Variants in SGCZ observed in about 807,000 individuals in gnomAD.
The protein encoded by SGCZ is zeta-sarcoglycan.
Under a neutral mutation model 41.3 loss-of-function variants are expected in SGCZ, and 40 were observed. That is an observed-to-expected ratio of 0.97 (90% CI 0.75 to 1.26). The LOEUF (loss-of-function observed/expected upper bound fraction) is 1.26. SGCZ is among the 50% of genes most tolerant of loss of function. The pLI is 0.00. For synonymous variants in SGCZ, 206 were observed against 137.5 expected, an observed-to-expected ratio of 1.50 and a Z score of -3.49; for missense variants, 552 against 369.8, an observed-to-expected ratio of 1.49 and a Z score of -4.04.
chr8:14,085,874 T>C lies in SGCZ; in HGVS notation c.*4569A>G, dbSNP rs1238322244. ...CCCCCTATTCATTTGAATAAATTAGTAGGAGCAGCAGTGTTTTAGAGTTAA... is the reference window on the plus strand; with the variant it reads ...CCCCCTATTCATTTGAATAAATTAGCAGGAGCAGCAGTGTTTTAGAGTTAA... On this transcript the variant is annotated 3_prime_UTR_variant, in exon 8 of 8. Coordinates refer to ENST00000382080, the MANE Select transcript of SGCZ (RefSeq NM_139167.4). Among the ~76,000 whole-genome samples, 2 of 151,788 alleles carry C rather than the reference T, an allele frequency of 1.3e-5. No individual in the cohort carries two copies. The highest frequency in any genetic ancestry group is 4.8e-5 in the African/African-American group (2 of 41,404).
intron 2 of SGCZ, among the ~76,000 whole-genome samples, chr8:14,490,346 T>A (rs899640883): frequency 6.6e-6 from 1 of 152,216 alleles, no homozygotes; most frequent in African/African-American, 2.4e-5. Flanking sequence ...GAAATTTATG[T>A]CTTCTGTGCA....
chr8:14,919,672 C>T (rs953759484), intron 1 of SGCZ, among the ~76,000 whole-genome samples: 3 of 152,132 alleles, frequency 2.0e-5, no homozygotes, highest in Non-Finnish European at 4.4e-5. Flanking sequence ...AACCTCAGCA[C>T]TTTGGGAGGA....
intron 1 of SGCZ, among the ~76,000 whole-genome samples, chr8:14,761,689 C>T (rs1799883875): frequency 6.6e-6 from 1 of 151,752 alleles, no homozygotes; most frequent in African/African-American, 2.4e-5. Flanking sequence ...CCACACCTGG[C>T]TAATTTTTGT....
At chr8:14,163,100 C>T (rs116566600) in intron 5 of SGCZ, among the ~76,000 whole-genome samples, 7 of 152,064 alleles carry the variant, frequency 4.6e-5, no homozygotes, top group Non-Finnish European at 1.0e-4. Context: ...TTGAACCAAG[C>T]GATTCTCTCA....
chr8:14,860,745 A>AGAAAGAAAGAAAGAAG (rs1803719085), intron 1 of SGCZ, among the ~76,000 whole-genome samples: 1 of 139,918 alleles, frequency 7.1e-6, no homozygotes, highest in African/African-American at 2.6e-5. Context: ...AAAGTAAGTA[A>AGAAAGAAAGAAAGAAG]GTAAGTGAGG....
intron 1 of SGCZ, among the ~76,000 whole-genome samples, chr8:14,564,334 G>A (rs6998355): frequency 0.89 from 134,938 of 152,140 alleles, 60,452 homozygotes; most frequent in Non-Finnish European, 0.95. Context: ...TAGATTTAAC[G>A]CTACAATATC....
At position 14,900,503 on chromosome 8, in the gene SGCZ, T is replaced by G. The variant is rs139084092; in HGVS notation, c.39+337082A>C. ...TCAACTCCGACCCAGCAGAATGGATTCAGGCTCCTAAATAACAAACTCAAC... is the reference window on the plus strand; with the variant it reads ...TCAACTCCGACCCAGCAGAATGGATGCAGGCTCCTAAATAACAAACTCAAC... On this transcript the variant is annotated intron_variant, in intron 1 of 7. Coordinates refer to ENST00000382080, the MANE Select transcript of SGCZ (RefSeq NM_139167.4). 3.9e-3 allele frequency among the ~76,000 whole-genome samples: 600 copies of G among 152,242 alleles called. 4 individuals carry two copies. The highest frequency in any genetic ancestry group is 0.013 in the African/African-American group (547 of 41,536).
intron 1 of SGCZ, among the ~76,000 whole-genome samples, chr8:14,676,783 A>T (rs1808291335): frequency 1.3e-5 from 2 of 152,186 alleles, no homozygotes; most frequent in Non-Finnish European, 2.9e-5. Flanking sequence ...GAAATGAAAA[A>T]GCTCTTAGAA....
chr8:14,635,549 T>C (rs1206246142), intron 1 of SGCZ, among the ~76,000 whole-genome samples: 1 of 151,936 alleles, frequency 6.6e-6, no homozygotes, highest in Non-Finnish European at 1.5e-5. Flanking sequence ...AGTGGAAAAT[T>C]CCAGAAATAA....
Position 14,588,607 on chromosome 8 carries a change from A to G in SGCZ, c.40-33681T>C, listed in dbSNP as rs573364465. On this transcript the variant is annotated intron_variant, in intron 1 of 7. Coordinates refer to ENST00000382080, the MANE Select transcript of SGCZ (RefSeq NM_139167.4). Reference sequence around the variant, plus strand: ...ACTACTTGGGCAAATAAAATAAAGTAAAAATGAGAAAAGAAAAGAGAAAAT... The same window carrying G: ...ACTACTTGGGCAAATAAAATAAAGTGAAAATGAGAAAAGAAAAGAGAAAAT... 2.8e-4 allele frequency among the ~76,000 whole-genome samples: 42 copies of G among 152,290 alleles called. No homozygotes were observed. The South Asian group carries it at 8.3e-3, about 30-fold the overall frequency.
chr8:14,614,592 C>A lies in SGCZ; in HGVS notation c.40-59666G>T, dbSNP rs113026674. 9.3e-3 allele frequency among the ~76,000 whole-genome samples: 1,416 copies of A among 152,246 alleles called. 18 individuals carry two copies. The highest frequency in any genetic ancestry group is 0.032 in the African/African-American group (1,347 of 41,556). The stretch of plus-strand genomic sequence containing the variant: ...GTAGCTTGAACCATCAAAATTCAAA[C>A]TGCAAATTTGTCTCACCACCTTTGA... On this transcript the variant is annotated intron_variant, in intron 1 of 7. Transcript: ENST00000382080.
At chr8:14,852,534 C>T (rs1803368336) in intron 1 of SGCZ, among the ~76,000 whole-genome samples, 1 of 152,040 alleles carries the variant, frequency 6.6e-6, no homozygotes, top group African/African-American at 2.4e-5. Context: ...ACACACCAGC[C>T]CAAAGTAACA....
At chr8:14,852,659 T>A (rs1018778932) in intron 1 of SGCZ, among the ~76,000 whole-genome samples, 1 of 152,172 alleles carries the variant, frequency 6.6e-6, no homozygotes, top group African/African-American at 2.4e-5. Context: ...CCTACAAACA[T>A]CTTGTCTTTT....
At position 14,550,134 on chromosome 8, in the gene SGCZ, A is replaced by G. The variant is rs1372479513; in HGVS notation, c.234+4598T>C. 2.6e-5 allele frequency among the ~76,000 whole-genome samples: 4 copies of G among 152,166 alleles called. No homozygotes were observed. In the South Asian group the frequency reaches 6.2e-4, roughly 24 times the overall value. ...ATCATTGGTTGTGATAGCAAATTAA[A>G]CAACAGAAATATATTGGAAACAACT... On this transcript the variant is annotated intron_variant, in intron 2 of 7. Coordinates refer to ENST00000382080, the MANE Select transcript of SGCZ (RefSeq NM_139167.4).
In SGCZ at chr8:14,625,593, T is replaced by TG. The variant is rs1303900773; in HGVS notation, c.40-70668_40-70667insC. Among the ~76,000 whole-genome samples, 1,190 of 152,078 alleles carry TG rather than the reference T, an allele frequency of 7.8e-3. 15 individuals are homozygous for TG. Among genetic ancestry groups the TG allele is most frequent in the African/African-American group, 0.027 (1,118 of 41,462 alleles). On this transcript the variant is annotated intron_variant, in intron 1 of 7. Transcript: ENST00000382080. ...AGTAGTGTTTTGTTGTTGTTGTTGT[T>TG]TTTGTTTTGTTTATTTTGTAGAAGA...
chr8:14,364,494 T>C (rs1034052056), intron 2 of SGCZ, among the ~76,000 whole-genome samples: 5 of 152,186 alleles, frequency 3.3e-5, no homozygotes, highest in African/African-American at 9.6e-5. Flanking sequence ...AGGATTTTTA[T>C]ACATTGCCAT....
intron 2 of SGCZ, among the ~76,000 whole-genome samples, chr8:14,327,612 G>T (rs1802168947): frequency 6.6e-6 from 1 of 152,198 alleles, no homozygotes; most frequent in Admixed American, 6.5e-5. Flanking sequence ...GGCATCCACA[G>T]TTAAGTGTGT....
intron 1 of SGCZ, among the ~76,000 whole-genome samples, chr8:14,768,471 T>A (rs1800115965): frequency 6.6e-6 from 1 of 152,228 alleles, no homozygotes; most frequent in Non-Finnish European, 1.5e-5. Flanking sequence ...ACAAAGATTT[T>A]ACAAATTTAC....
At position 14,312,611 on chromosome 8, in the gene SGCZ, C is replaced by A. The variant is rs562424899; in HGVS notation, c.336+11492G>T. 2.0e-5 allele frequency among the ~76,000 whole-genome samples: 3 copies of A among 151,920 alleles called. No homozygotes were observed. The South Asian group carries it at 6.2e-4, about 32-fold the overall frequency. ...AGCCACTGCACTCTAGCCTAGACAA[C>A]ATAGCTAGACTCTGTCTCCACAGAA... On this transcript the variant is annotated intron_variant, in intron 3 of 7. Coordinates refer to ENST00000382080, the MANE Select transcript of SGCZ (RefSeq NM_139167.4).
Sources: gnomAD v4.1 joint callset for allele counts (sites outside exome capture counted in the v4.1 genomes callset) on GRCh38, gnomAD v4.1.1 for gene constraint, MANE v1.5 for transcripts, NCBI Gene and HGNC (gene_info 2026-07-23, HGNC 2026-07-21) for gene names.